The following P3H1 variants were observed in gnomAD, a reference collection of about 807,000 sequenced individuals.
P3H1 encodes prolyl 3-hydroxylase 1, also known as growth suppressor 1.
Under a neutral mutation model 84.0 loss-of-function variants are expected in P3H1, and 69 were observed. The ratio of observed to expected loss-of-function variants is 0.82; its 90% CI spans 0.68 to 1.00. The LOEUF is 1.00. P3H1 is among the 50% of genes least tolerant of loss of function. The probability of loss-of-function intolerance (pLI) is 0.00; values close to 1 mark genes in which losing one functional copy is unlikely to be tolerated. For missense variants in P3H1, 878 were observed against 962.8 expected (o/e 0.91, Z 1.17); for synonymous variants, 366 against 388.8 (o/e 0.94, Z 0.69).
rs781043771 is a variant in P3H1 at position 42,747,433 on chromosome 1, G to A, written c.1915-21C>T. 7.5e-6 allele frequency: 12 copies of A among 1,602,910 alleles called. No individual in the cohort carries two copies. In the East Asian group the frequency reaches 1.3e-4, roughly 18 times the overall value. ...TCTGCCTAAGGGGGACAGAAAGGGA[G>A]GGGGGTTGCACAGGACAAAGACTGT... On this transcript the variant is annotated intron_variant, in intron 13 of 14. Coordinates refer to ENST00000296388, the MANE Select transcript of P3H1 (RefSeq NM_022356.4).
At position 42,757,789 on chromosome 1, in the gene P3H1, G is replaced by A; in HGVS notation, c.1074C>T (p.Pro358=). 6.2e-7 allele frequency: 1 copy of A among 1,614,210 alleles called. No individual in the cohort carries two copies. The highest frequency in any genetic ancestry group is 1.3e-5 in the African/African-American group (1 of 75,052). Residue 358 remains proline (P), a synonymous_variant, in exon 5 of 15, where the codon CCC becomes CCT. Transcript: ENST00000296388. ...ACAGAAGGAAGTCTCTCACCTCACG[G>A]GGGCCGATGGATCTGGTGTGTTCTT... The part of the protein sequence containing the change: ...LGEEHTRSIG[P]RESAKEYRQR...
chr1:42,760,946 C>T (rs992676948), intron 2 of P3H1: 1 of 150,562 alleles, frequency 6.6e-6, no homozygotes, highest in Non-Finnish European at 1.5e-5. Flanking sequence ...ACCCACTGCA[C>T]CTGGCCACAA....
Position 42,766,999 on chromosome 1 carries a change from A to AGCCACCC in P3H1, c.-35_-29dup, listed in dbSNP as rs947640628. ...CTCCCTCAGACCTAACGGAACCGCC[A>AGCCACCC]GCCACCCGCCACCAAGGCCGGAGTC... is the stretch of plus-strand genomic sequence containing the variant. On this transcript the variant is annotated 5_prime_UTR_variant, in exon 1 of 15. Coordinates refer to ENST00000296388, the MANE Select transcript of P3H1 (RefSeq NM_022356.4). 4 of 1,600,308 alleles carry AGCCACCC rather than the reference A, an allele frequency of 2.5e-6. No homozygotes were observed. Among genetic ancestry groups the AGCCACCC allele is most frequent in the African/African-American group, 1.3e-5 (1 of 74,830 alleles).
In P3H1 at chr1:42,755,652, G is replaced by A. The variant is rs201778465; in HGVS notation, c.1081-15C>T. ...TCCTTGGCACTCTGAGGGTAAAAAA[G>A]CAAACAAATCCCCCAGAACTCAGCC... is the stretch of plus-strand genomic sequence containing the variant. On this transcript the variant is annotated splice_polypyrimidine_tract_variant and intron_variant, in intron 5 of 14. Coordinates refer to ENST00000296388, the MANE Select transcript of P3H1 (RefSeq NM_022356.4). 3 of 1,601,432 alleles carry A rather than the reference G, an allele frequency of 1.9e-6. No homozygotes were observed. The highest frequency in any genetic ancestry group is 1.3e-5 in the African/African-American group (1 of 74,756).
At chr1:42,755,690 C>T (rs1652370567) in intron 5 of P3H1, 53 bp from the exon 6 acceptor site, 3 of 1,429,134 alleles carry the variant, frequency 2.1e-6, no homozygotes, top group Admixed American at 1.7e-5. Flanking sequence ...GTCTTTTAAC[C>T]TCTGGGAGTT....
chr1:42,752,949 G>T (rs759582556), intron 8 of P3H1, among the ~76,000 whole-genome samples: 1 of 152,094 alleles, frequency 6.6e-6, no homozygotes, highest in African/African-American at 2.4e-5. Flanking sequence ...ACATGAGCTC[G>T]GGAACGAGGA....
Position 42,766,146 on chromosome 1 carries a change from T to C in P3H1, c.465+361A>G, listed in dbSNP as rs1272919999. 2.0e-5 allele frequency among the ~76,000 whole-genome samples: 3 copies of C among 152,178 alleles called. No individual in the cohort carries two copies. In the East Asian group the frequency reaches 5.8e-4, roughly 30 times the overall value. ...TGGAAAACCAACCGGAAGGGAGATATTGTAGACCGCTACTAGCTTCTCACT... is the reference window on the plus strand; with the variant it reads ...TGGAAAACCAACCGGAAGGGAGATACTGTAGACCGCTACTAGCTTCTCACT... On this transcript the variant is annotated intron_variant, in intron 1 of 14. Coordinates refer to ENST00000296388, the MANE Select transcript of P3H1 (RefSeq NM_022356.4).
intron 8 of P3H1, among the ~76,000 whole-genome samples, chr1:42,753,602 G>A (rs1475159971): frequency 6.6e-6 from 1 of 152,138 alleles, no homozygotes; most frequent in Non-Finnish European, 1.5e-5. Flanking sequence ...AAAGAAAGGA[G>A]GGGACTCCAA....
In P3H1 at chr1:42,747,297, G is replaced by GT; in HGVS notation, c.2029dup (p.Thr677AsnfsTer16). On this transcript the variant is annotated frameshift_variant, in exon 14 of 15. Coordinates refer to ENST00000296388, the MANE Select transcript of P3H1 (RefSeq NM_022356.4). LOFTEE classifies it high-confidence loss of function. ...CCGCTCGCTGTGTCGAGGGTCCAGG[G>GT]TGAACCACAGGGCGATGGCACAGCG... is the stretch of plus-strand genomic sequence containing the variant. 6.2e-7 allele frequency: 1 copy of GT among 1,613,634 alleles called. No homozygotes were observed. The highest frequency in any genetic ancestry group is 8.5e-7 in the Non-Finnish European group (1 of 1,179,676).
intron 9 of P3H1, 29 bp from the exon 10 acceptor site, chr1:42,752,398 T>C: frequency 6.2e-7 from 1 of 1,612,340 alleles, no homozygotes; most frequent in Middle Eastern, 1.7e-4. Context: ...AAGGTGATGT[T>C]AGCCAGGGCA....
intron 1 of P3H1, 93 bp from the exon 2 acceptor site, chr1:42,762,568 T>C (rs1652779630): frequency 7.1e-7 from 1 of 1,408,870 alleles, no homozygotes; most frequent in Admixed American, 1.7e-5. Flanking sequence ...AGGAAATCCC[T>C]GCCTCCCTGA....
intron 2 of P3H1, among the ~76,000 whole-genome samples, chr1:42,759,753 T>C (rs1652604614): frequency 6.6e-6 from 1 of 151,494 alleles, no homozygotes; most frequent in South Asian, 2.1e-4. Flanking sequence ...CAGCTAATTT[T>C]TGTATTTTAG....
Position 42,766,951 on chromosome 1 carries a change from C to T in P3H1, c.21G>A (p.Lys7=), listed in dbSNP as rs1234335679. Residue 7 remains lysine, a synonymous_variant, in exon 1 of 15, where the codon AAG becomes AAA. Transcript: ENST00000296388. Reference sequence around the variant, plus strand: ...CGACAGCCAGCAGTGTGGTCAGCAGCTTCAACGCGCGTACCGCCATCGCTC... The same window carrying T: ...CGACAGCCAGCAGTGTGGTCAGCAGTTTCAACGCGCGTACCGCCATCGCTC... MAVRAL[K]LLTTLLAVVA... The T allele has an allele frequency of 1.2e-6, 2 of 1,608,914 alleles. No individual in the cohort carries two copies. Among genetic ancestry groups the T allele is most frequent in the Non-Finnish European group, 1.7e-6 (2 of 1,179,836 alleles).
Position 42,752,631 on chromosome 1 carries a change from G to T in P3H1, c.1379C>A (p.Thr460Asn). ...ACCATTCAGGAGTTTGGAGTTCATGGTGAGACTGATGCCTTCATACAGCAG... is the reference window on the plus strand; with the variant it reads ...ACCATTCAGGAGTTTGGAGTTCATGTTGAGACTGATGCCTTCATACAGCAG... ...GPLLYEGISLTMNSKLLNGSQ... is the reference protein window; with the variant it reads ...GPLLYEGISLNMNSKLLNGSQ... Residue 460 changes from threonine to asparagine, a missense_variant, in exon 9 of 15, where the codon ACC becomes AAC. Transcript: ENST00000296388. The T allele has an allele frequency of 6.2e-7, 1 of 1,614,174 alleles. No individual in the cohort carries two copies. The highest frequency in any genetic ancestry group is 8.5e-7 in the Non-Finnish European group (1 of 1,180,030).
At chr1:42,757,304 A>AT (rs2124132379) in intron 5 of P3H1, among the ~76,000 whole-genome samples, 1 of 152,314 alleles carries the variant, frequency 6.6e-6, no homozygotes, top group African/African-American at 2.4e-5. Flanking sequence ...TGTTATACAG[A>AT]TATTTCTCCT....
chr1:42,762,465 A>G lies in P3H1; in HGVS notation c.476T>C (p.Leu159Ser). ...GTGTGCTGCAGCAACAGCTTTCTCC[A>G]ACTTGTTGATCTAAGAATGAAGCAT... ...LQVAYFKINK[L>S]EKAVAAAHTF... Residue 159 changes from leucine to serine, a missense_variant, in exon 2 of 15, where the codon TTG becomes TCG. Leu to Ser is a moderately radical substitution (Grantham distance 145). Coordinates refer to ENST00000296388, the MANE Select transcript of P3H1 (RefSeq NM_022356.4). 6.2e-7 allele frequency: 1 copy of G among 1,614,092 alleles called. No individual in the cohort carries two copies. The highest frequency in any genetic ancestry group is 8.5e-7 in the Non-Finnish European group (1 of 1,179,976).
At chr1:42,763,605 G>C (rs1652832486) in intron 1 of P3H1, among the ~76,000 whole-genome samples, 1 of 148,482 alleles carries the variant, frequency 6.7e-6, no homozygotes, top group Non-Finnish European at 1.5e-5. Context: ...CCGGGAGGCG[G>C]AGGTTACAGC....
At chr1:42,756,938 C>A (rs771618467) in intron 5 of P3H1, among the ~76,000 whole-genome samples, 2 of 152,240 alleles carry the variant, frequency 1.3e-5, no homozygotes, top group Non-Finnish European at 2.9e-5. Context: ...ATACAGCCCA[C>A]CCCGCACAGA....
In P3H1 at chr1:42,748,325, C is replaced by T; in HGVS notation, c.1721-8G>A. 4 of 1,597,062 alleles carry T rather than the reference C, an allele frequency of 2.5e-6. No homozygotes were observed. Among genetic ancestry groups the T allele is most frequent in the Non-Finnish European group, 3.4e-6 (4 of 1,164,998 alleles). On this transcript the variant is annotated splice_polypyrimidine_tract_variant and splice_region_variant and intron_variant, in intron 11 of 14. Coordinates refer to ENST00000296388, the MANE Select transcript of P3H1 (RefSeq NM_022356.4). ...TCCTCTCTGCCTGGACCTCTGGGGC[C>T]AATGTCACACATGTTAGCAAGGGAG...
Sources: allele counts gnomAD v4.1 joint callset (sites outside exome capture counted in the v4.1 genomes callset), GRCh38; gene constraint gnomAD v4.1.1; transcripts MANE v1.5; gene names NCBI Gene and HGNC (gene_info 2026-07-23, HGNC 2026-07-21).